Variants in SDC4 observed in about 807,000 individuals in gnomAD.
SDC4 encodes the protein syndecan-4.
SDC4 carries 17 observed loss-of-function variants against 20.5 expected under a neutral mutation model. The ratio of observed to expected loss-of-function variants is 0.83; its 90% CI spans 0.57 to 1.25. The LOEUF (loss-of-function observed/expected upper bound fraction) is 1.25, where lower values mean the gene tolerates loss of function less well. SDC4 is among the 50% of genes most tolerant of loss of function. The pLI, the probability that SDC4 is intolerant of heterozygous loss-of-function variation, is 0.00. For synonymous variants in SDC4, 107 were observed against 105.3 expected (o/e 1.02, Z -0.10); for missense variants, 241 against 252.3 (o/e 0.96, Z 0.30).
At position 45,326,085 on chromosome 20, in the gene SDC4, C is replaced by T. The variant is rs551291863; in HGVS notation, c.*1179G>A. 2.6e-5 allele frequency: 4 copies of T among 152,562 alleles called. No homozygotes were observed. The East Asian group carries it at 7.7e-4, about 29-fold the overall frequency. The allele number at this position is 152,562 out of a possible 1,614,324, so 9.5% of individuals were successfully genotyped here. ...CCCAGCAACATCAAACTGGAAACAC[C>T]ACACTATTTCCTGAAAAAAATATAT... is the stretch of plus-strand genomic sequence containing the variant. On this transcript the variant is annotated 3_prime_UTR_variant, in exon 5 of 5. Coordinates refer to ENST00000372733, the MANE Select transcript of SDC4 (RefSeq NM_002999.4).
At position 45,348,242 on chromosome 20, in the gene SDC4, C is replaced by T. The variant is rs543520341; in HGVS notation, c.60+83G>A. ...GTAGCGTACCCCCGATCTGCCCCCCCCCATCCCACGCTCCGACGAACAAAG... is the reference window on the plus strand; with the variant it reads ...GTAGCGTACCCCCGATCTGCCCCCCTCCATCCCACGCTCCGACGAACAAAG... On this transcript the variant is annotated intron_variant, in intron 1 of 4. Coordinates refer to ENST00000372733, the MANE Select transcript of SDC4 (RefSeq NM_002999.4). 377 of 1,217,122 alleles carry T rather than the reference C, an allele frequency of 3.1e-4. 10 individuals carry two copies. The highest frequency in any genetic ancestry group is 6.1e-4 in the South Asian group (47 of 77,032). The allele number at this position is 1,217,122 out of a possible 1,614,324, so 75.4% of individuals were successfully genotyped here.
At chr20:45,331,042 A>G (rs1256496881) in intron 3 of SDC4, among the ~76,000 whole-genome samples, 1 of 152,098 alleles carries the variant, frequency 6.6e-6, no homozygotes, top group Non-Finnish European at 1.5e-5. Context: ...ACTTTACTCT[A>G]TGGACTCACC....
chr20:45,336,649 G>C (rs1987873674), intron 1 of SDC4, among the ~76,000 whole-genome samples: 1 of 151,958 alleles, frequency 6.6e-6, no homozygotes, highest in African/African-American at 2.4e-5. Flanking sequence ...TCCATGCACA[G>C]GGCCCTGGGA....
intron 1 of SDC4, among the ~76,000 whole-genome samples, chr20:45,346,271 G>A (rs1988030788): frequency 6.6e-6 from 1 of 152,208 alleles, no homozygotes; most frequent in Non-Finnish European, 1.5e-5. Flanking sequence ...GGAGGGGACA[G>A]GCCAAAGGGG....
At chr20:45,339,566 T>C (rs537742764) in intron 1 of SDC4, among the ~76,000 whole-genome samples, 1 of 152,146 alleles carries the variant, frequency 6.6e-6, no homozygotes, top group African/African-American at 2.4e-5. Context: ...CTGGGCAACA[T>C]GGTGAAACCC....
At chr20:45,342,371 G>C (rs1029787592) in intron 1 of SDC4, among the ~76,000 whole-genome samples, 8 of 152,198 alleles carry the variant, frequency 5.3e-5, no homozygotes, top group Non-Finnish European at 1.2e-4. Context: ...AGCCGGGCCA[G>C]CCATGTGCCA....
At chr20:45,333,575 A>T (rs946704239) in intron 2 of SDC4, among the ~76,000 whole-genome samples, 3 of 152,250 alleles carry the variant, frequency 2.0e-5, no homozygotes, top group Non-Finnish European at 4.4e-5. Context: ...AGGCTGAGGC[A>T]GGAGAATCAC....
intron 1 of SDC4, among the ~76,000 whole-genome samples, chr20:45,347,660 C>T (rs1988052404): frequency 6.6e-6 from 1 of 152,212 alleles, no homozygotes; most frequent in African/African-American, 2.4e-5. Flanking sequence ...CCATTCCTCT[C>T]CTCTGTCCTC....
At position 45,335,782 on chromosome 20, in the gene SDC4, C is replaced by T. The variant is rs987850903; in HGVS notation, c.199G>A (p.Asp67Asn). The change falls in exon 2 of 5, where the codon GAT (aspartate) becomes AAT (asparagine). Residue 67 changes from aspartate to asparagine, a missense_variant and splice_region_variant. By Grantham distance (23) the Asp-to-Asn change is conservative. Coordinates refer to ENST00000372733, the MANE Select transcript of SDC4 (RefSeq NM_002999.4). ...CGCCTGCCCAGCACACCTTCCGTAC[C>T]CAGATCTCCAGAGCCAGACAGCTCA... Reference protein sequence around the residue: ...DFELSGSGDLDDLEDSMIGPE... With the variant: ...DFELSGSGDLNDLEDSMIGPE... 5 of 1,613,662 alleles carry T rather than the reference C, an allele frequency of 3.1e-6. No individual in the cohort carries two copies. Among genetic ancestry groups the T allele is most frequent in the Non-Finnish European group, 4.2e-6 (5 of 1,179,858 alleles).
chr20:45,339,512 G>A (rs529271948), intron 1 of SDC4, among the ~76,000 whole-genome samples: 54 of 152,362 alleles, frequency 3.5e-4, no homozygotes, highest in African/African-American at 1.3e-3. Flanking sequence ...ATTTTGGGAG[G>A]CCAAGGTGGG....
chr20:45,347,477 TG>T (rs1376732991), intron 1 of SDC4, among the ~76,000 whole-genome samples: 1 of 152,106 alleles, frequency 6.6e-6, no homozygotes, highest in Non-Finnish European at 1.5e-5. Flanking sequence ...CGGAGGCCAG[TG>T]GACAGTGAGA....
chr20:45,343,544 G>A (rs1041343999), intron 1 of SDC4, among the ~76,000 whole-genome samples: 1 of 152,190 alleles, frequency 6.6e-6, no homozygotes, highest in African/African-American at 2.4e-5. Flanking sequence ...GGGCTGCCCA[G>A]AACTGGTTCT....
chr20:45,347,479 G>T (rs1600736407), intron 1 of SDC4, among the ~76,000 whole-genome samples: 1 of 152,208 alleles, frequency 6.6e-6, no homozygotes, highest in East Asian at 1.9e-4. Context: ...GAGGCCAGTG[G>T]ACAGTGAGAA....
chr20:45,339,699 C>T (rs1987927163), intron 1 of SDC4, among the ~76,000 whole-genome samples: 2 of 152,190 alleles, frequency 1.3e-5, no homozygotes, highest in Admixed American at 1.3e-4. Flanking sequence ...ACGATCGTGC[C>T]ACTGCACTCC....
At chr20:45,328,414 T>C (rs781450053) in intron 4 of SDC4, among the ~76,000 whole-genome samples, 1 of 152,238 alleles carries the variant, frequency 6.6e-6, no homozygotes, top group African/African-American at 2.4e-5. Flanking sequence ...GCCTAGTGCA[T>C]AGCATATTCT....
intron 3 of SDC4, among the ~76,000 whole-genome samples, chr20:45,330,793 G>C (rs372935445): frequency 2.0e-5 from 3 of 152,246 alleles, no homozygotes; most frequent in African/African-American, 7.2e-5. Context: ...GCACCCAAGG[G>C]AACAGGGAAG....
At chr20:45,341,462 T>A (rs1316939021) in intron 1 of SDC4, among the ~76,000 whole-genome samples, 1 of 152,016 alleles carries the variant, frequency 6.6e-6, no homozygotes, top group Non-Finnish European at 1.5e-5. Context: ...CAGACAGAGG[T>A]AAAGACCATT....
At chr20:45,330,684 G>T in intron 3 of SDC4, 120 bp from the exon 4 acceptor site, 2 of 833,586 alleles carry the variant, frequency 2.4e-6, no homozygotes, top group South Asian at 1.7e-5. Flanking sequence ...GAACCATATG[G>T]TCCTGGAGCA....
chr20:45,339,711 G>A (rs1352248134), intron 1 of SDC4, among the ~76,000 whole-genome samples: 1 of 152,242 alleles, frequency 6.6e-6, no homozygotes, highest in African/African-American at 2.4e-5. Flanking sequence ...CTGCACTCCA[G>A]CCTGGGTGAC....
Sources: gnomAD v4.1 joint callset for allele counts (sites outside exome capture counted in the v4.1 genomes callset) on GRCh38, gnomAD v4.1.1 for gene constraint, MANE v1.5 for transcripts, NCBI Gene and HGNC (gene_info 2026-07-23, HGNC 2026-07-21) for gene names.